The following AUTS2 variants were observed in gnomAD, a reference collection of about 807,000 sequenced individuals.
AUTS2 encodes activator of transcription and developmental regulator AUTS2, also known as autism susceptibility gene 2 protein.
AUTS2 carries 17 observed loss-of-function variants against 112.4 expected under a neutral mutation model. That is an observed-to-expected ratio of 0.15 (90% CI 0.10 to 0.23). The LOEUF (loss-of-function observed/expected upper bound fraction) is 0.23. AUTS2 is among the 10% of genes least tolerant of loss of function. The pLI, the probability that AUTS2 is intolerant of heterozygous loss-of-function variation, is 1.00. For synonymous variants in AUTS2, 751 were observed against 702.7 expected, an observed-to-expected ratio of 1.07 and a Z score of -1.09; for missense variants, 1,510 against 1,701.6, an observed-to-expected ratio of 0.89 and a Z score of 1.98.
intron 1 of AUTS2, among the ~76,000 whole-genome samples, chr7:69,896,188 C>T (rs1456993539): frequency 6.6e-6 from 1 of 152,202 alleles, no homozygotes; most frequent in East Asian, 1.9e-4. Flanking sequence ...AGGTTGTGGA[C>T]ACTGGACAAA....
chr7:70,629,041 C>T (rs758306326), intron 5 of AUTS2, among the ~76,000 whole-genome samples: 4 of 152,114 alleles, frequency 2.6e-5, no homozygotes, highest in Admixed American at 6.5e-5. Flanking sequence ...TCATATCCAT[C>T]GCGGGGCAGT....
At chr7:69,694,701 T>C (rs567334306) in intron 1 of AUTS2, among the ~76,000 whole-genome samples, 4 of 152,328 alleles carry the variant, frequency 2.6e-5, no homozygotes, top group South Asian at 2.1e-4. Flanking sequence ...ATTTGGGTGC[T>C]TAGTGGACAG....
intron 4 of AUTS2, among the ~76,000 whole-genome samples, chr7:70,415,449 C>T (rs1308195945): frequency 6.6e-6 from 1 of 152,146 alleles, no homozygotes; most frequent in Admixed American, 6.5e-5. Flanking sequence ...TGATATTAGA[C>T]TTAAGATTTT....
intron 1 of AUTS2, among the ~76,000 whole-genome samples, chr7:69,693,515 G>A (rs1003466794): frequency 2.6e-5 from 4 of 152,198 alleles, no homozygotes; most frequent in Non-Finnish European, 5.9e-5. Context: ...ATTTTGGGCT[G>A]TTAATATACT....
chr7:70,124,246 C>T (rs931771620), intron 3 of AUTS2, among the ~76,000 whole-genome samples: 3 of 152,050 alleles, frequency 2.0e-5, no homozygotes, highest in East Asian at 1.9e-4. Flanking sequence ...TATAGATGCT[C>T]GATATTAGAC....
Position 69,823,604 on chromosome 7 carries a change from G to T in AUTS2, c.310-75682G>T, listed in dbSNP as rs781338596. 3.9e-5 allele frequency among the ~76,000 whole-genome samples: 6 copies of T among 152,108 alleles called. 1 individual carries two copies. Among genetic ancestry groups the T allele is most frequent in the Non-Finnish European group, 8.8e-5 (6 of 68,018 alleles). ...GTTGAGTGCTCTTTTAATTAGGGGC[G>T]ACTAACATCAAAGTACTATAGTTGT... is the stretch of plus-strand genomic sequence containing the variant. On this transcript the variant is annotated intron_variant, in intron 1 of 18. Transcript: ENST00000342771.
intron 5 of AUTS2, among the ~76,000 whole-genome samples, chr7:70,636,567 T>C (rs1805543690): frequency 6.6e-6 from 1 of 152,224 alleles, no homozygotes; most frequent in Admixed American, 6.5e-5. Flanking sequence ...GCCAGTTTAT[T>C]AATTTATAAA....
chr7:70,346,275 T>C (rs773389575), intron 4 of AUTS2, among the ~76,000 whole-genome samples: 1 of 152,184 alleles, frequency 6.6e-6, no homozygotes, highest in Non-Finnish European at 1.5e-5. Context: ...GAGATTATTT[T>C]TATCATGTCT....
chr7:70,146,903 GTGCAA>G (rs1807154306), intron 4 of AUTS2, among the ~76,000 whole-genome samples: 1 of 152,126 alleles, frequency 6.6e-6, no homozygotes. Context: ...TAAAGCCAGT[GTGCAA>G]TTTTGGAGCA....
chr7:70,339,663 CT>C (rs1255716803), intron 4 of AUTS2, among the ~76,000 whole-genome samples: 3 of 152,162 alleles, frequency 2.0e-5, no homozygotes, highest in Non-Finnish European at 2.9e-5. Context: ...CCAAGATTTT[CT>C]TCATGGGTCA....
intron 4 of AUTS2, among the ~76,000 whole-genome samples, chr7:70,316,524 C>T (rs1790006565): frequency 6.6e-6 from 1 of 151,864 alleles, no homozygotes; most frequent in Non-Finnish European, 1.5e-5. Flanking sequence ...CTGCCTCAGC[C>T]ACCCGAGCAG....
chr7:70,162,206 G>A (rs572736728), intron 4 of AUTS2, among the ~76,000 whole-genome samples: 37 of 151,910 alleles, frequency 2.4e-4, no homozygotes, highest in Non-Finnish European at 5.0e-4. Flanking sequence ...CAGCACTTTG[G>A]GAGGCCGAGG....
intron 5 of AUTS2, among the ~76,000 whole-genome samples, chr7:70,500,986 G>C (rs568254610): frequency 6.6e-6 from 1 of 152,252 alleles, no homozygotes; most frequent in Admixed American, 6.5e-5. Flanking sequence ...GTCTCCCAAA[G>C]TGCTGGAATT....
intron 6 of AUTS2, among the ~76,000 whole-genome samples, chr7:70,716,726 G>A (rs1259548089): frequency 1.3e-5 from 2 of 151,002 alleles, no homozygotes; most frequent in African/African-American, 2.4e-5. Context: ...AAGTATGTCT[G>A]GGGTGGAAGA....
chr7:70,695,225 C>T (rs1809015183), intron 5 of AUTS2, among the ~76,000 whole-genome samples: 1 of 152,164 alleles, frequency 6.6e-6, no homozygotes, highest in African/African-American at 2.4e-5. Context: ...TCTTTCCTCC[C>T]CCCTCTGCGG....
At chr7:70,736,487 G>C (rs1421364216) in intron 6 of AUTS2, among the ~76,000 whole-genome samples, 1 of 152,202 alleles carries the variant, frequency 6.6e-6, no homozygotes, top group African/African-American at 2.4e-5. Flanking sequence ...TCCAAGATCT[G>C]TGATGTGGTT....
chr7:69,838,766 C>A (rs1365848534), intron 1 of AUTS2, among the ~76,000 whole-genome samples: 1 of 152,142 alleles, frequency 6.6e-6, no homozygotes, highest in Admixed American at 6.6e-5. Context: ...GTGGGATAGG[C>A]CAGGCATTGA....
chr7:70,081,963 T>TGTGTGC (rs1171180313), intron 2 of AUTS2, among the ~76,000 whole-genome samples: 1 of 146,136 alleles, frequency 6.8e-6, no homozygotes, highest in Non-Finnish European at 1.5e-5. Context: ...TGTGTGTGTG[T>TGTGTGC]GTGCGCGCGC....
intron 2 of AUTS2, among the ~76,000 whole-genome samples, chr7:70,040,333 G>C (rs1801192311): frequency 6.6e-6 from 1 of 152,052 alleles, no homozygotes. Flanking sequence ...TGTACTTTCT[G>C]CCCAGTTTTT....
Sources: allele counts gnomAD v4.1 joint callset (sites outside exome capture counted in the v4.1 genomes callset), GRCh38; gene constraint gnomAD v4.1.1; transcripts MANE v1.5; gene names NCBI Gene and HGNC (gene_info 2026-07-23, HGNC 2026-07-21).